Variants in SHANK2 observed in about 807,000 individuals in gnomAD.
SHANK2 encodes the protein SH3 and multiple ankyrin repeat domains 2.
In SHANK2, 43 loss-of-function variants were observed where a neutral mutation model predicts 133.7. That is an observed-to-expected ratio of 0.32 (90% CI 0.25 to 0.41). The LOEUF (loss-of-function observed/expected upper bound fraction) is 0.41. Ranked by LOEUF, SHANK2 falls within the 10% of genes least tolerant of loss-of-function variation. The pLI is 1.00. For missense variants in SHANK2, 1,994 were observed against 2,235.8 expected, an observed-to-expected ratio of 0.89 and a Z score of 2.18; for synonymous variants, 1,017 against 952.8, an observed-to-expected ratio of 1.07 and a Z score of -1.24.
intron 14 of SHANK2, among the ~76,000 whole-genome samples, chr11:70,700,434 G>A (rs1936739624): frequency 6.6e-6 from 1 of 152,160 alleles, no homozygotes; most frequent in Non-Finnish European, 1.5e-5. Context: ...CTTGCTCAGG[G>A]CCGTGGGAGC....
At chr11:70,660,399 G>A (rs537233985) in intron 16 of SHANK2, among the ~76,000 whole-genome samples, 3 of 152,330 alleles carry the variant, frequency 2.0e-5, no homozygotes, top group East Asian at 1.9e-4. Flanking sequence ...GAACGCGGAC[G>A]GAACATCACG....
chr11:71,105,143 G>A (rs184658368), intron 6 of SHANK2, among the ~76,000 whole-genome samples: 18 of 152,276 alleles, frequency 1.2e-4, no homozygotes, highest in African/African-American at 3.6e-4. Context: ...ACATTATCCA[G>A]CACCAAAAGG....
At chr11:70,936,236 G>A (rs182296622) in intron 10 of SHANK2, among the ~76,000 whole-genome samples, 55 of 152,344 alleles carry the variant, frequency 3.6e-4, no homozygotes, top group African/African-American at 1.3e-3. Flanking sequence ...GCGAGGCCAG[G>A]CGCGGTGGCT....
chr11:70,644,016 C>T (rs538086619), intron 17 of SHANK2, among the ~76,000 whole-genome samples: 17 of 152,142 alleles, frequency 1.1e-4, no homozygotes, highest in Non-Finnish European at 1.5e-4. Flanking sequence ...TTGTACGTGG[C>T]GGCGAGCAGG....
intron 17 of SHANK2, among the ~76,000 whole-genome samples, chr11:70,510,187 T>C (rs1554969088): frequency 6.6e-6 from 1 of 152,134 alleles, no homozygotes; most frequent in South Asian, 2.1e-4. Context: ...CCTGCAGAGA[T>C]GGCAGAGGCA....
chr11:70,697,950 T>C (rs1945432665), intron 15 of SHANK2: 1 of 152,282 alleles, frequency 6.6e-6, no homozygotes, highest in Non-Finnish European at 1.5e-5. Context: ...AAGAACCCTC[T>C]ATCTGGGGCT....
chr11:71,079,363 A>G (rs1469471421), intron 8 of SHANK2, among the ~76,000 whole-genome samples: 1 of 152,186 alleles, frequency 6.6e-6, no homozygotes, highest in African/African-American at 2.4e-5. Flanking sequence ...CACCGTCACC[A>G]CTCAAATGTG....
At chr11:70,638,892 G>T (rs568265623) in intron 17 of SHANK2, among the ~76,000 whole-genome samples, 1 of 152,246 alleles carries the variant, frequency 6.6e-6, no homozygotes, top group East Asian at 1.9e-4. Context: ...AGCTACTTGG[G>T]AGGCTGAGGC....
At chr11:70,696,376 T>C (rs1945392469) in intron 15 of SHANK2, among the ~76,000 whole-genome samples, 1 of 152,164 alleles carries the variant, frequency 6.6e-6, no homozygotes. Flanking sequence ...GTGGGGAGAC[T>C]CAGGCACTAT....
At chr11:70,838,819 A>C (rs1211433069) in intron 11 of SHANK2, among the ~76,000 whole-genome samples, 2 of 152,194 alleles carry the variant, frequency 1.3e-5, no homozygotes, top group African/African-American at 4.8e-5. Flanking sequence ...ATTGACTTCC[A>C]GTCTCTCAGG....
At chr11:70,947,904 C>A (rs542120553) in intron 10 of SHANK2, among the ~76,000 whole-genome samples, 1 of 152,256 alleles carries the variant, frequency 6.6e-6, no homozygotes, top group African/African-American at 2.4e-5. Flanking sequence ...GTACATCTCC[C>A]CCAGAGTAAA....
chr11:70,733,258 G>A (rs1946327678), intron 14 of SHANK2, among the ~76,000 whole-genome samples: 1 of 152,176 alleles, frequency 6.6e-6, no homozygotes, highest in Non-Finnish European at 1.5e-5. Flanking sequence ...TCCCAGGAAG[G>A]AGGAAGAACA....
intron 21 of SHANK2, among the ~76,000 whole-genome samples, chr11:70,494,089 C>T (rs1439845736): frequency 6.6e-6 from 1 of 152,174 alleles, no homozygotes; most frequent in Non-Finnish European, 1.5e-5. Context: ...GAGGTCCCCA[C>T]AAGAGGAAGT....
chr11:70,642,219 C>T (rs1191901075), intron 17 of SHANK2, among the ~76,000 whole-genome samples: 1 of 152,194 alleles, frequency 6.6e-6, no homozygotes, highest in African/African-American at 2.4e-5. Flanking sequence ...GACCTCAAAC[C>T]ATCCTGCCTA....
intron 3 of SHANK2, among the ~76,000 whole-genome samples, chr11:71,126,691 T>C (rs541155173): frequency 6.6e-6 from 1 of 152,022 alleles, no homozygotes; most frequent in South Asian, 2.1e-4. Flanking sequence ...CAACATTAAG[T>C]TCGGAAGAAG....
intron 10 of SHANK2, among the ~76,000 whole-genome samples, chr11:70,944,500 C>A (rs1256607378): frequency 6.6e-6 from 1 of 152,244 alleles, no homozygotes; most frequent in Non-Finnish European, 1.5e-5. Flanking sequence ...GACCGTCTCA[C>A]TGATTTGCTA....
At chr11:71,218,162 G>A (rs1954453351) in intron 2 of SHANK2, among the ~76,000 whole-genome samples, 1 of 151,584 alleles carries the variant, frequency 6.6e-6, no homozygotes, top group Non-Finnish European at 1.5e-5. Flanking sequence ...GCCCGGCCAA[G>A]AGGTATTTTT....
At chr11:70,527,961 G>A (rs549224636) in intron 17 of SHANK2, among the ~76,000 whole-genome samples, 11 of 152,366 alleles carry the variant, frequency 7.2e-5, no homozygotes, top group Admixed American at 2.6e-4. Flanking sequence ...ATGGTGGTGA[G>A]AGGGAGGGGC....
At chr11:70,924,024 C>T (rs183892615) in intron 10 of SHANK2, among the ~76,000 whole-genome samples, 7 of 152,258 alleles carry the variant, frequency 4.6e-5, no homozygotes, top group Admixed American at 1.3e-4. Context: ...GGGGGAGGCA[C>T]GAGGGAGCAG....
Sources: allele counts gnomAD v4.1 joint callset (sites outside exome capture counted in the v4.1 genomes callset), GRCh38; gene constraint gnomAD v4.1.1; transcripts MANE v1.5; gene names NCBI Gene and HGNC (gene_info 2026-07-23, HGNC 2026-07-21).